Variants in GALK2 observed in about 807,000 individuals in gnomAD.
The protein encoded by GALK2 is galactokinase 2, also known as N-acetylgalactosamine kinase.
A neutral mutation model predicts 52.4 loss-of-function variants in GALK2; 36 were observed. That is an observed-to-expected ratio of 0.69 (90% CI 0.53 to 0.91). The LOEUF (loss-of-function observed/expected upper bound fraction) is 0.91, where lower values mean the gene tolerates loss of function less well. Among genes scored for constraint, GALK2 ranks in the 40% least tolerant of loss-of-function variants. The probability of loss-of-function intolerance (pLI) is 0.00; values close to 1 mark genes in which losing one functional copy is unlikely to be tolerated. For missense variants in GALK2, 579 were observed against 559.1 expected, an observed-to-expected ratio of 1.04 and a Z score of -0.36; for synonymous variants, 176 against 199.1, an observed-to-expected ratio of 0.88 and a Z score of 0.98.
chr15:49,324,319 C>T (rs2037146009), intron 9 of GALK2, among the ~76,000 whole-genome samples: 1 of 137,838 alleles, frequency 7.3e-6, no homozygotes, highest in African/African-American at 2.7e-5. Context: ...TCAACAAGGT[C>T]ATAATGGGGA....
chr15:49,300,537 T>C (rs1213048507), intron 8 of GALK2, among the ~76,000 whole-genome samples: 1 of 152,080 alleles, frequency 6.6e-6, no homozygotes, highest in Non-Finnish European at 1.5e-5. Context: ...GTTGATATGG[T>C]TTGGCTGTGT....
chr15:49,277,526 G>A (rs1451577060), intron 5 of GALK2, among the ~76,000 whole-genome samples: 1 of 147,716 alleles, frequency 6.8e-6, no homozygotes, highest in Non-Finnish European at 1.5e-5. Context: ...GGCCGGGCGC[G>A]GTGGCTCACG....
At chr15:49,269,019 G>A (rs78881953) in intron 5 of GALK2, among the ~76,000 whole-genome samples, 23,013 of 152,194 alleles carry the variant, frequency 0.15, 2,243 homozygotes, top group Non-Finnish European at 0.21. Context: ...TAATTTGGGG[G>A]AGTGTCAGGA....
chr15:49,237,464 T>TTTTTTG (rs969624287), intron 4 of GALK2, among the ~76,000 whole-genome samples: 12 of 151,914 alleles, frequency 7.9e-5, no homozygotes, highest in Non-Finnish European at 1.5e-4. Context: ...TTGTTTTTGT[T>TTTTTTG]TTTTTGTTTT....
At chr15:49,164,802 A>G (rs1420235437) in intron 1 of GALK2, among the ~76,000 whole-genome samples, 2 of 150,776 alleles carry the variant, frequency 1.3e-5, no homozygotes, top group Non-Finnish European at 3.0e-5. Flanking sequence ...AAAAAAAAAA[A>G]AAAAGAAATA....
At chr15:49,303,765 T>A (rs1230192121) in intron 8 of GALK2, among the ~76,000 whole-genome samples, 1 of 152,178 alleles carries the variant, frequency 6.6e-6, no homozygotes, top group Non-Finnish European at 1.5e-5. Flanking sequence ...CTGTAGTTCC[T>A]GTACATCTCC....
chr15:49,281,881 C>A, intron 5 of GALK2, 106 bp from the exon 6 acceptor site: 1 of 724,504 alleles, frequency 1.4e-6, no homozygotes, highest in Admixed American at 2.6e-5. Context: ...ATTAGTTGAT[C>A]AGAGTTGGTG....
chr15:49,332,016 T>C (rs1301590166), downstream of GALK2: 1 of 592,108 alleles, frequency 1.7e-6, no homozygotes, highest in Non-Finnish European at 3.0e-6. Context: ...ACTCCTATTA[T>C]CCTATTTTAT....
chr15:49,192,525 A>ATATATATATATG (rs1555400547), intron 1 of GALK2, among the ~76,000 whole-genome samples: 6 of 123,140 alleles, frequency 4.9e-5, no homozygotes, highest in African/African-American at 1.8e-4. Context: ...ATATATATAT[A>ATATATATATATG]GTTGGAGGTG....
chr15:49,353,945 T>A (rs2042644201), intron 3 of GALK2: 1 of 152,186 alleles, frequency 6.6e-6, no homozygotes, highest in Non-Finnish European at 1.5e-5. Flanking sequence ...CACATATTGG[T>A]TAATGGGAAA....
intron 5 of GALK2, among the ~76,000 whole-genome samples, chr15:49,243,330 GA>G (rs1274623653): frequency 6.6e-6 from 1 of 152,158 alleles, no homozygotes; most frequent in Non-Finnish European, 1.5e-5. Flanking sequence ...TTCTGCATCT[GA>G]AAAATGAAAT....
rs1186038154 is a variant in GALK2, at chr15:49,331,183, A to T, written c.*3024A>T. ...AGTAAAAGGCTCTCCTCTATCCCTG[A>T]CCTCCAATTGTCCAGCATTCAGACA... On this transcript the variant is annotated 3_prime_UTR_variant, in exon 10 of 10. Transcript: ENST00000560031. 6.6e-6 allele frequency: 1 copy of T among 152,186 alleles called. No homozygotes were observed. Among genetic ancestry groups the T allele is most frequent in the Non-Finnish European group, 1.5e-5 (1 of 68,062 alleles). The allele number at this position is 152,186 out of a possible 1,614,324, so 9.4% of individuals were successfully genotyped here. A position where few individuals can be genotyped will look rare whatever the true frequency, so the allele number is the denominator to read the frequency against.
chr15:49,235,358 A>G (rs557349875), intron 3 of GALK2, among the ~76,000 whole-genome samples: 1 of 152,020 alleles, frequency 6.6e-6, no homozygotes, highest in Non-Finnish European at 1.5e-5. Context: ...ATTAGTATAG[A>G]CTCATGGAAT....
chr15:49,242,776 G>A (rs1001497399), intron 5 of GALK2, among the ~76,000 whole-genome samples: 1 of 152,132 alleles, frequency 6.6e-6, no homozygotes, highest in Admixed American at 6.5e-5. Context: ...TGTGGCAAAA[G>A]ATCTATGAAA....
intron 5 of GALK2, among the ~76,000 whole-genome samples, 162 bp from the exon 6 acceptor site, chr15:49,281,825 C>G (rs1423283191): frequency 6.6e-6 from 1 of 152,150 alleles, no homozygotes; most frequent in Admixed American, 6.5e-5. Context: ...GTATATTTTC[C>G]TATAGTCTGG....
At chr15:49,221,616 G>A (rs947349919) in intron 3 of GALK2, among the ~76,000 whole-genome samples, 1 of 151,678 alleles carries the variant, frequency 6.6e-6, no homozygotes, top group African/African-American at 2.4e-5. Flanking sequence ...GCAGTGAGCC[G>A]AGATCGTGAC....
intron 5 of GALK2, among the ~76,000 whole-genome samples, chr15:49,271,524 A>G (rs1030740353): frequency 6.6e-6 from 1 of 152,208 alleles, no homozygotes; most frequent in Non-Finnish European, 1.5e-5. Context: ...AAAGTATAGT[A>G]TTATGCTTAA....
At chr15:49,276,831 T>G (rs1282912682) in intron 5 of GALK2, among the ~76,000 whole-genome samples, 2 of 151,408 alleles carry the variant, frequency 1.3e-5, no homozygotes, top group East Asian at 3.8e-4. Flanking sequence ...ATTTATTATT[T>G]CTTTGATTTC....
At chr15:49,347,589 T>C (rs1195460451) in intron 3 of GALK2, among the ~76,000 whole-genome samples, 2 of 152,170 alleles carry the variant, frequency 1.3e-5, no homozygotes, top group Non-Finnish European at 1.5e-5. Context: ...AGTATTCTTA[T>C]TGGTATCTAG....
Sources: gnomAD v4.1 joint callset for allele counts (sites outside exome capture counted in the v4.1 genomes callset) on GRCh38, gnomAD v4.1.1 for gene constraint, MANE v1.5 for transcripts, NCBI Gene and HGNC (gene_info 2026-07-23, HGNC 2026-07-21) for gene names.